Variants in PPP2R3A observed in about 807,000 individuals in gnomAD.
PPP2R3A encodes the protein protein phosphatase 2 regulatory subunit B''alpha, also known as serine/threonine-protein phosphatase 2A regulatory subunit B'' subunit alpha.
In PPP2R3A, 80 loss-of-function variants were observed where a neutral mutation model predicts 106.9. That is an observed-to-expected ratio of 0.75 (90% confidence interval 0.62 to 0.90). The LOEUF is 0.90. Ranked by LOEUF, PPP2R3A falls within the 40% of genes least tolerant of loss-of-function variation. PPP2R3A has a pLI of 0.00. For synonymous variants in PPP2R3A, 483 were observed against 468.3 expected (o/e 1.03, Z -0.41); for missense variants, 1,386 against 1,350.4 (o/e 1.03, Z -0.41).
At position 136,001,772 on chromosome 3, in the gene PPP2R3A, A is replaced by C. The variant is rs763740354; in HGVS notation, c.274A>C (p.Thr92Pro). Residue 92 changes from threonine (T) to proline (P), a missense_variant, in exon 2 of 14, where the codon ACA (threonine) becomes CCA (proline). By Grantham distance (38) the Thr-to-Pro change is conservative. Coordinates refer to ENST00000264977, the MANE Select transcript of PPP2R3A (RefSeq NM_002718.5). ...AEGDYPQQAFTGIPRVKRGST... is the reference protein window; with the variant it reads ...AEGDYPQQAFPGIPRVKRGST... ...AGGAGACTATCCCCAACAGGCCTTC[A>C]CAGGCATACCCAGGGTCAAGAGAGG... 1 of 1,614,048 alleles carries C rather than the reference A, an allele frequency of 6.2e-7. No individual in the cohort carries two copies. Among genetic ancestry groups the C allele is most frequent in the African/African-American group, 1.3e-5 (1 of 74,924 alleles).
At chr3:135,974,758 T>G (rs1184686969) in intron 1 of PPP2R3A, among the ~76,000 whole-genome samples, 1 of 152,206 alleles carries the variant, frequency 6.6e-6, no homozygotes, top group East Asian at 1.9e-4. Context: ...GCTATCCCCT[T>G]CCTCTTGTTT....
At position 136,145,309 on chromosome 3, in the gene PPP2R3A, C is replaced by A; in HGVS notation, c.*143C>A. The A allele has an allele frequency of 1.8e-6, 2 of 1,090,536 alleles. No homozygotes were observed. Among genetic ancestry groups the A allele is most frequent in the Non-Finnish European group, 2.5e-6 (2 of 803,466 alleles). The allele number at this position is 1,090,536 out of a possible 1,614,324, so 67.6% of individuals were successfully genotyped here. On this transcript the variant is annotated 3_prime_UTR_variant, in exon 14 of 14. Coordinates refer to ENST00000264977, the MANE Select transcript of PPP2R3A (RefSeq NM_002718.5). Reference sequence around the variant, plus strand: ...CTGCACTAGGAACTTTGTTTTTAAGCAATAGGTCTGGATACACATTTAACT... The same window carrying A: ...CTGCACTAGGAACTTTGTTTTTAAGAAATAGGTCTGGATACACATTTAACT...
intron 13 of PPP2R3A, among the ~76,000 whole-genome samples, chr3:136,138,689 T>C (rs1256529927): frequency 7.5e-6 from 1 of 133,026 alleles, no homozygotes; most frequent in East Asian, 2.3e-4. Context: ...ACTAGAGAAA[T>C]ATTGAATTTT....
At chr3:136,120,460 C>T (rs1425127232) in intron 13 of PPP2R3A, among the ~76,000 whole-genome samples, 3 of 151,860 alleles carry the variant, frequency 2.0e-5, no homozygotes, top group Admixed American at 1.3e-4. Context: ...GGGTGGTGTG[C>T]GCCTGTAGTC....
chr3:136,139,213 C>T (rs1213149715), intron 13 of PPP2R3A, among the ~76,000 whole-genome samples: 1 of 152,180 alleles, frequency 6.6e-6, no homozygotes, highest in Non-Finnish European at 1.5e-5. Context: ...CAGTCATTAT[C>T]TCTGCTCATT....
intron 2 of PPP2R3A, among the ~76,000 whole-genome samples, chr3:136,014,139 C>T (rs1934191887): frequency 6.6e-6 from 1 of 152,084 alleles, no homozygotes; most frequent in Non-Finnish European, 1.5e-5. Context: ...TGTCAAGGAT[C>T]AGTTGGTTGT....
chr3:136,086,095 C>T (rs1054800324), intron 8 of PPP2R3A, among the ~76,000 whole-genome samples: 3 of 151,464 alleles, frequency 2.0e-5, no homozygotes, highest in Admixed American at 6.6e-5. Context: ...GGTGCTGCTA[C>T]ACTCCAGCCT....
chr3:136,043,090 CATAT>C (rs1473944814), intron 4 of PPP2R3A, among the ~76,000 whole-genome samples: 1 of 150,736 alleles, frequency 6.6e-6, no homozygotes, highest in Non-Finnish European at 1.5e-5. Context: ...TTGGAAAATA[CATAT>C]ATATGCTGAT....
intron 5 of PPP2R3A, among the ~76,000 whole-genome samples, chr3:136,050,332 T>C (rs1174887909): frequency 2.0e-5 from 3 of 152,208 alleles, no homozygotes; most frequent in Non-Finnish European, 4.4e-5. Context: ...ATCAGAAGTA[T>C]AAGTTTCTGG....
At chr3:136,071,159 T>G (rs1486991933) in intron 6 of PPP2R3A, among the ~76,000 whole-genome samples, 1 of 152,228 alleles carries the variant, frequency 6.6e-6, no homozygotes, top group Non-Finnish European at 1.5e-5. Context: ...ACATTATCTT[T>G]GGAGACATTC....
intron 1 of PPP2R3A, among the ~76,000 whole-genome samples, chr3:135,973,853 C>T (rs1043801208): frequency 9.9e-5 from 15 of 152,226 alleles, no homozygotes; most frequent in Middle Eastern, 3.4e-3. Flanking sequence ...AATATAAGAC[C>T]AAACTCTCTT....
intron 13 of PPP2R3A, among the ~76,000 whole-genome samples, chr3:136,144,162 G>A (rs1034237544): frequency 8.5e-5 from 13 of 152,178 alleles, no homozygotes; most frequent in African/African-American, 2.7e-4. Flanking sequence ...GAATTCAGGG[G>A]ATACCAGCAA....
intron 13 of PPP2R3A, among the ~76,000 whole-genome samples, chr3:136,127,841 A>G (rs1938241659): frequency 6.6e-6 from 1 of 152,222 alleles, no homozygotes; most frequent in Admixed American, 6.5e-5. Flanking sequence ...AAGCCAGAAG[A>G]GAGTGGGGGC....
intron 1 of PPP2R3A, among the ~76,000 whole-genome samples, chr3:135,995,065 T>C (rs766433041): frequency 1.3e-5 from 2 of 152,144 alleles, no homozygotes; most frequent in Non-Finnish European, 2.9e-5. Context: ...AAATATCTGT[T>C]GAATGAACTC....
In PPP2R3A at chr3:136,146,282, C is replaced by T. The variant is rs1411172113; in HGVS notation, c.*1116C>T. The T allele has an allele frequency of 1.3e-5, 2 of 152,142 alleles. No homozygotes were observed. Among genetic ancestry groups the T allele is most frequent in the Admixed American group, 6.6e-5 (1 of 15,266 alleles). 9.4% of individuals were successfully genotyped at this position (152,142 alleles called of 1,614,324 possible). ...CAGTCCAGCCAAATCCTATAATATC[C>T]TTGAAAAGAAACTATTAAAAAGGAT... is the stretch of plus-strand genomic sequence containing the variant. On this transcript the variant is annotated 3_prime_UTR_variant, in exon 14 of 14. Transcript: ENST00000264977.
At position 136,002,625 on chromosome 3, in the gene PPP2R3A, C is replaced by G; in HGVS notation, c.1127C>G (p.Ser376Cys). 4 of 1,613,914 alleles carry G rather than the reference C, an allele frequency of 2.5e-6. No homozygotes were observed. Among genetic ancestry groups the G allele is most frequent in the Non-Finnish European group, 3.4e-6 (4 of 1,179,866 alleles). ...VQSIPNNSTNSLYNLEVNDPR... is the reference protein window; with the variant it reads ...VQSIPNNSTNCLYNLEVNDPR... ...TCCATTCCAAACAACTCCACAAATTCCTTATATAACTTAGAGGTAAATGAT... is the reference window on the plus strand; with the variant it reads ...TCCATTCCAAACAACTCCACAAATTGCTTATATAACTTAGAGGTAAATGAT... Residue 376 changes from serine to cysteine, a missense_variant, in exon 2 of 14, where the codon TCC becomes TGC. Transcript: ENST00000264977.
intron 13 of PPP2R3A, among the ~76,000 whole-genome samples, chr3:136,129,321 A>G (rs1938310584): frequency 6.6e-6 from 1 of 152,178 alleles, no homozygotes; most frequent in African/African-American, 2.4e-5. Flanking sequence ...GCAATAAAAA[A>G]TGATAAAGGG....
chr3:136,017,468 G>A (rs1003803010), intron 2 of PPP2R3A, among the ~76,000 whole-genome samples: 1 of 152,200 alleles, frequency 6.6e-6, no homozygotes, highest in Admixed American at 6.5e-5. Flanking sequence ...TTCATTTTCT[G>A]GACATTTGGG....
chr3:136,055,733 G>A (rs1171672645), intron 5 of PPP2R3A: 3 of 686,658 alleles, frequency 4.4e-6, no homozygotes, highest in African/African-American at 3.6e-5. Context: ...CCACTACTTG[G>A]GAAATCATCT....
Sources: gnomAD v4.1 joint callset for allele counts (sites outside exome capture counted in the v4.1 genomes callset) on GRCh38, gnomAD v4.1.1 for gene constraint, MANE v1.5 for transcripts, NCBI Gene and HGNC (gene_info 2026-07-23, HGNC 2026-07-21) for gene names.